Variants in ST6GALNAC3 observed in about 807,000 individuals in gnomAD.
ST6GALNAC3 encodes ST6 N-acetylgalactosaminide alpha-2,6-sialyltransferase 3, also known as alpha-N-acetylgalactosaminide alpha-2,6-sialyltransferase 3.
Under a neutral mutation model 32.7 loss-of-function variants are expected in ST6GALNAC3, and 25 were observed. The ratio of observed to expected loss-of-function variants is 0.76; its 90% CI spans 0.56 to 1.07. ST6GALNAC3 has a LOEUF of 1.07. ST6GALNAC3 is among the 50% of genes least tolerant of loss of function. The pLI is 0.00. For synonymous variants in ST6GALNAC3, 129 were observed against 133.1 expected (o/e 0.97, Z 0.21); for missense variants, 355 against 382.4 (o/e 0.93, Z 0.60).
intron 2 of ST6GALNAC3, among the ~76,000 whole-genome samples, chr1:76,396,479 A>G (rs1267113281): frequency 6.6e-6 from 1 of 151,984 alleles, no homozygotes; most frequent in Non-Finnish European, 1.5e-5. Context: ...AAAATAAATA[A>G]ATAAATGACC....
chr1:76,215,630 GA>G (rs1204169417), intron 1 of ST6GALNAC3, among the ~76,000 whole-genome samples: 1 of 152,188 alleles, frequency 6.6e-6, no homozygotes, highest in African/African-American at 2.4e-5. Context: ...ATGTAGTTCC[GA>G]ATGCCCCACC....
At chr1:76,134,862 G>A (rs1333762694) in intron 1 of ST6GALNAC3, among the ~76,000 whole-genome samples, 2 of 152,204 alleles carry the variant, frequency 1.3e-5, no homozygotes, top group Non-Finnish European at 2.9e-5. Flanking sequence ...ATACTTTCTG[G>A]CCAGGTGCGG....
At chr1:76,237,324 G>A (rs1279556219) in intron 1 of ST6GALNAC3, among the ~76,000 whole-genome samples, 2 of 152,168 alleles carry the variant, frequency 1.3e-5, no homozygotes, top group Non-Finnish European at 2.9e-5. Context: ...AGTAAAGGCA[G>A]TGTTTCACTG....
intron 3 of ST6GALNAC3, among the ~76,000 whole-genome samples, chr1:76,442,623 T>C (rs1000639539): frequency 6.6e-6 from 1 of 152,196 alleles, no homozygotes; most frequent in Non-Finnish European, 1.5e-5. Flanking sequence ...ACTTTTTCCA[T>C]CTGTTCCCGG....
At position 76,134,183 on chromosome 1, in the gene ST6GALNAC3, C is replaced by T. The variant is rs116366186; in HGVS notation, c.18+59299C>T. On this transcript the variant is annotated intron_variant, in intron 1 of 4. Transcript: ENST00000328299. ...CTGATTAGGCAATCCTGTGGAATGG[C>T]GGACAGGTCACAAGATGGCTGCTTC... 1.2e-3 allele frequency among the ~76,000 whole-genome samples: 190 copies of T among 152,278 alleles called. 1 individual carries two copies. The highest frequency in any genetic ancestry group is 4.4e-3 in the African/African-American group (182 of 41,536).
chr1:76,523,538 G>T (rs1662682991), intron 3 of ST6GALNAC3, among the ~76,000 whole-genome samples: 1 of 152,170 alleles, frequency 6.6e-6, no homozygotes, highest in African/African-American at 2.4e-5. Context: ...TCCAGGAATA[G>T]GCTGACTTTA....
At chr1:76,373,433 G>T (rs1477081633) in intron 2 of ST6GALNAC3, among the ~76,000 whole-genome samples, 1 of 152,158 alleles carries the variant, frequency 6.6e-6, no homozygotes, top group Non-Finnish European at 1.5e-5. Flanking sequence ...TATTACTGTG[G>T]TTGTTATTGT....
At chr1:76,528,931 T>C (rs1172522610) in intron 3 of ST6GALNAC3, among the ~76,000 whole-genome samples, 2 of 149,816 alleles carry the variant, frequency 1.3e-5, no homozygotes, top group Non-Finnish European at 3.0e-5. Context: ...CTGTGAAAAG[T>C]AGAAATAGCA....
chr1:76,529,164 T>C (rs1663098114), intron 3 of ST6GALNAC3, among the ~76,000 whole-genome samples: 19 of 152,134 alleles, frequency 1.2e-4, no homozygotes, highest in Admixed American at 1.2e-3. Flanking sequence ...CTGAAATTCA[T>C]GTGTTGAAGA....
At chr1:76,615,668 TACA>T (rs1432297694) in intron 3 of ST6GALNAC3, among the ~76,000 whole-genome samples, 3 of 152,232 alleles carry the variant, frequency 2.0e-5, no homozygotes, top group Non-Finnish European at 4.4e-5. Context: ...TCTGTGGAGA[TACA>T]ACATTTTCAT....
intron 3 of ST6GALNAC3, among the ~76,000 whole-genome samples, chr1:76,418,744 TC>T (rs1415985395): frequency 1.6e-4 from 25 of 152,136 alleles, no homozygotes; most frequent in African/African-American, 6.0e-4. Context: ...AACAAAAAGT[TC>T]ATGCAGCAGT....
chr1:76,122,624 C>T (rs571001655), intron 1 of ST6GALNAC3, among the ~76,000 whole-genome samples: 1 of 152,268 alleles, frequency 6.6e-6, no homozygotes, highest in Admixed American at 6.5e-5. Context: ...TGGGATCGTG[C>T]ATATAGTGTT....
chr1:76,433,402 TA>T (rs1655912094), intron 3 of ST6GALNAC3, among the ~76,000 whole-genome samples: 1 of 152,192 alleles, frequency 6.6e-6, no homozygotes, highest in African/African-American at 2.4e-5. Context: ...AAAGGATAGT[TA>T]ACACAGTGGG....
intron 1 of ST6GALNAC3, among the ~76,000 whole-genome samples, chr1:76,221,404 T>G (rs1404215639): frequency 6.6e-6 from 1 of 152,124 alleles, no homozygotes; most frequent in Non-Finnish European, 1.5e-5. Context: ...AATGAAGCTG[T>G]CGTATTCTAT....
At chr1:76,185,664 TTC>T (rs1307955132) in intron 1 of ST6GALNAC3, among the ~76,000 whole-genome samples, 4 of 152,136 alleles carry the variant, frequency 2.6e-5, no homozygotes, top group Non-Finnish European at 4.4e-5. Flanking sequence ...ACATACTGTG[TTC>T]TGTGCATATA....
rs1557797568 is a variant in ST6GALNAC3 at position 76,335,283 on chromosome 1, T to G, written c.213+21284T>G. ...GATTATTGTGTACTTTACAAATTTTTGTTTTACAATAATTTGTATTTATTC... is the reference window on the plus strand; with the variant it reads ...GATTATTGTGTACTTTACAAATTTTGGTTTTACAATAATTTGTATTTATTC... On this transcript the variant is annotated intron_variant, in intron 2 of 4. Transcript: ENST00000328299. Among the ~76,000 whole-genome samples, 3 of 152,344 alleles carry G rather than the reference T, an allele frequency of 2.0e-5. No homozygotes were observed. The East Asian group carries it at 5.8e-4, about 29-fold the overall frequency.
intron 1 of ST6GALNAC3, among the ~76,000 whole-genome samples, chr1:76,205,342 C>A (rs927806728): frequency 6.6e-6 from 1 of 152,106 alleles, no homozygotes; most frequent in African/African-American, 2.4e-5. Flanking sequence ...ACAGCCTCCC[C>A]CTTTACCTTC....
At chr1:76,430,511 G>A (rs1655676997) in intron 3 of ST6GALNAC3, among the ~76,000 whole-genome samples, 4 of 152,156 alleles carry the variant, frequency 2.6e-5, no homozygotes, top group Admixed American at 2.0e-4. Context: ...TTTCTCAGCT[G>A]AAATGCTGTT....
intron 1 of ST6GALNAC3, among the ~76,000 whole-genome samples, chr1:76,217,584 G>C (rs888125509): frequency 2.0e-5 from 3 of 152,030 alleles, no homozygotes; most frequent in African/African-American, 7.2e-5. Flanking sequence ...ATCTTCTTTA[G>C]TAGTGATTTC....
Sources: allele counts gnomAD v4.1 joint callset (sites outside exome capture counted in the v4.1 genomes callset), GRCh38; gene constraint gnomAD v4.1.1; transcripts MANE v1.5; gene names NCBI Gene and HGNC (gene_info 2026-07-23, HGNC 2026-07-21).